Variants in KALRN observed in about 807,000 individuals in gnomAD.
KALRN encodes the protein kalirin RhoGEF kinase.
In KALRN, 70 loss-of-function variants were observed where a neutral mutation model predicts 353.7. The observed-to-expected ratio is 0.20, with a 90% CI of 0.16 to 0.24. KALRN has a LOEUF of 0.24. Ranked by LOEUF, KALRN falls within the 10% of genes least tolerant of loss-of-function variation. KALRN has a pLI of 1.00. For synonymous variants in KALRN, 1,391 were observed against 1,434.8 expected, an observed-to-expected ratio of 0.97 and a Z score of 0.69; for missense variants, 2,791 against 3,756.7, an observed-to-expected ratio of 0.74 and a Z score of 6.72.
chr3:124,327,893 C>A (rs931586081), intron 7 of KALRN, among the ~76,000 whole-genome samples: 1 of 152,184 alleles, frequency 6.6e-6, no homozygotes, highest in South Asian at 2.1e-4. Context: ...CCAGCTCCAC[C>A]ATTCATTCAC....
intron 49 of KALRN, 91 bp downstream of exon 49, chr3:124,674,705 G>T (rs2086952024): frequency 7.5e-7 from 1 of 1,331,230 alleles, no homozygotes; most frequent in Non-Finnish European, 1.0e-6. Context: ...CAAACACATG[G>T]TAGGGAATTA....
chr3:124,428,197 G>A (rs1324928196), intron 15 of KALRN, among the ~76,000 whole-genome samples: 1 of 152,198 alleles, frequency 6.6e-6, no homozygotes, highest in Non-Finnish European at 1.5e-5. Flanking sequence ...TCAGTGATCA[G>A]AGTAAAAGGA....
chr3:124,222,154 A>G (rs979117547), intron 1 of KALRN, among the ~76,000 whole-genome samples: 2 of 152,196 alleles, frequency 1.3e-5, no homozygotes, highest in African/African-American at 4.8e-5. Context: ...GAGGGTAGGA[A>G]GGAAGATTTG....
chr3:124,238,235 G>GAAA (rs3054175), intron 3 of KALRN, among the ~76,000 whole-genome samples: 122 of 150,710 alleles, frequency 8.1e-4, no homozygotes, highest in African/African-American at 2.6e-3. Flanking sequence ...TGAAGATGAA[G>GAAA]AAAAAAAAAC....
chr3:124,091,244 A>G (rs1378736103), intron 1 of KALRN, among the ~76,000 whole-genome samples: 6 of 152,226 alleles, frequency 3.9e-5, no homozygotes, highest in Admixed American at 3.3e-4. Flanking sequence ...TTGTTGGGGC[A>G]GGGTGAGGGA....
intron 9 of KALRN, among the ~76,000 whole-genome samples, chr3:124,342,089 C>A (rs2081794904): frequency 6.6e-6 from 1 of 152,014 alleles, no homozygotes; most frequent in South Asian, 2.1e-4. Context: ...AAAAATTATA[C>A]CCTGGTGAAA....
At chr3:124,678,421 A>G (rs2087442968) in intron 50 of KALRN, 108 bp downstream of exon 50, 2 of 1,246,264 alleles carry the variant, frequency 1.6e-6, no homozygotes, top group Non-Finnish European at 2.2e-6. Context: ...TTTTCCCAGT[A>G]TGGGTACCAG....
chr3:124,330,410 C>A (rs1361437702), intron 8 of KALRN, among the ~76,000 whole-genome samples: 1 of 152,068 alleles, frequency 6.6e-6, no homozygotes, highest in Non-Finnish European at 1.5e-5. Flanking sequence ...GAGATGTACA[C>A]ACTAGCCCTG....
At chr3:124,121,928 G>A (rs1013787642) in intron 1 of KALRN, among the ~76,000 whole-genome samples, 2 of 152,152 alleles carry the variant, frequency 1.3e-5, no homozygotes, top group Non-Finnish European at 2.9e-5. Context: ...AGGGAAGATG[G>A]GCAATTAGTG....
chr3:124,482,643 T>G (rs2062104198), intron 27 of KALRN, among the ~76,000 whole-genome samples, 165 bp from the exon 28 acceptor site: 1 of 152,162 alleles, frequency 6.6e-6, no homozygotes, highest in East Asian at 1.9e-4. Context: ...TGGTCTCTTT[T>G]GTTTCTCTTT....
intron 1 of KALRN, among the ~76,000 whole-genome samples, chr3:124,059,596 C>T (rs2041838026): frequency 6.6e-6 from 1 of 152,122 alleles, no homozygotes; most frequent in Admixed American, 6.5e-5. Context: ...TTTAACAAAC[C>T]ACAGTTACTT....
At chr3:124,266,758 A>G (rs1468778398) in intron 4 of KALRN, among the ~76,000 whole-genome samples, 5 of 152,228 alleles carry the variant, frequency 3.3e-5, no homozygotes, top group Admixed American at 1.3e-4. Flanking sequence ...TGTGTAAACA[A>G]TACAAGAAAT....
intron 33 of KALRN, among the ~76,000 whole-genome samples, chr3:124,533,331 A>T (rs1181428509): frequency 6.6e-6 from 1 of 152,182 alleles, no homozygotes; most frequent in Non-Finnish European, 1.5e-5. Flanking sequence ...TCATTTATTT[A>T]TCCATTCATT....
At chr3:124,448,314 C>T (rs534754602) in intron 21 of KALRN, among the ~76,000 whole-genome samples, 1 of 152,224 alleles carries the variant, frequency 6.6e-6, no homozygotes, top group African/African-American at 2.4e-5. Flanking sequence ...TCCACCCTGT[C>T]CTTTATTGCT....
intron 34 of KALRN, among the ~76,000 whole-genome samples, chr3:124,597,942 G>A (rs1473770391): frequency 6.6e-6 from 1 of 152,076 alleles, no homozygotes; most frequent in Non-Finnish European, 1.5e-5. Flanking sequence ...AGTGTAGGAC[G>A]GTCCTGCCCT....
intron 1 of KALRN, among the ~76,000 whole-genome samples, chr3:124,083,777 A>C (rs1413501134): frequency 6.6e-6 from 1 of 152,242 alleles, no homozygotes; most frequent in African/African-American, 2.4e-5. Context: ...GAATCCTGGC[A>C]TGCTGTTAGA....
intron 34 of KALRN, among the ~76,000 whole-genome samples, chr3:124,613,570 A>G (rs866532538): frequency 1.1e-4 from 17 of 152,162 alleles, no homozygotes; most frequent in African/African-American, 4.1e-4. Context: ...TTGGGAAGTG[A>G]TCTGTCCAGG....
Position 124,089,457 on chromosome 3 carries a change from C to T in KALRN, c.73+55644C>T, listed in dbSNP as rs376394752. Among the ~76,000 whole-genome samples the T allele has an allele frequency of 5.3e-4, 80 of 152,038 alleles. 2 individuals are homozygous for T. The East Asian group carries it at 6.0e-3, about 11-fold the overall frequency. ...GAAGCCAAACCTCCTGGGGGGTGAACGGCCTCCTGTTGGCCATGAAGTAAC... is the reference window on the plus strand; with the variant it reads ...GAAGCCAAACCTCCTGGGGGGTGAATGGCCTCCTGTTGGCCATGAAGTAAC... On this transcript the variant is annotated intron_variant, in intron 1 of 59. Transcript: ENST00000682506.
chr3:124,520,494 G>T (rs1437578495), intron 33 of KALRN, among the ~76,000 whole-genome samples: 1 of 152,014 alleles, frequency 6.6e-6, no homozygotes, highest in African/African-American at 2.4e-5. Context: ...CCAACCCCTG[G>T]GCTGCAGACT....
Sources: gnomAD v4.1 joint callset for allele counts (sites outside exome capture counted in the v4.1 genomes callset) on GRCh38, gnomAD v4.1.1 for gene constraint, MANE v1.5 for transcripts, NCBI Gene and HGNC (gene_info 2026-07-23, HGNC 2026-07-21) for gene names.